The following CAMTA1 variants were observed in gnomAD, a reference collection of about 807,000 sequenced individuals.
CAMTA1 encodes calmodulin binding transcription activator 1.
A neutral mutation model predicts 170.9 loss-of-function variants in CAMTA1; 27 were observed. The observed-to-expected ratio is 0.16, with a 90% CI of 0.12 to 0.22. CAMTA1 has a LOEUF of 0.22. Among genes scored for constraint, CAMTA1 ranks in the 10% least tolerant of loss-of-function variants. CAMTA1 has a pLI of 1.00. For missense variants in CAMTA1, 1,619 were observed against 2,217.2 expected, an observed-to-expected ratio of 0.73 and a Z score of 5.42; for synonymous variants, 833 against 891.5, an observed-to-expected ratio of 0.93 and a Z score of 1.17.
intron 6 of CAMTA1, among the ~76,000 whole-genome samples, chr1:7,587,998 C>A (rs573479774): frequency 2.6e-5 from 4 of 152,172 alleles, no homozygotes; most frequent in African/African-American, 7.2e-5. Flanking sequence ...GATCCCCTAT[C>A]GGTGCCTGGC....
At chr1:7,368,270 C>G (rs2086166072) in intron 5 of CAMTA1, among the ~76,000 whole-genome samples, 1 of 149,898 alleles carries the variant, frequency 6.7e-6, no homozygotes, top group Non-Finnish European at 1.5e-5. Flanking sequence ...GCCCTGGGCA[C>G]TCATGGTTTC....
rs766554881 is a variant in CAMTA1, at chr1:7,752,450, C to T, written c.4884-9C>T. ...CCTTCTTGTGACAATAATATTCTGACTTTTTCAGGAGCAGTTTGCTAACCA... is the reference window on the plus strand; with the variant it reads ...CCTTCTTGTGACAATAATATTCTGATTTTTTCAGGAGCAGTTTGCTAACCA... On this transcript the variant is annotated splice_polypyrimidine_tract_variant and intron_variant, in intron 20 of 22. Transcript: ENST00000303635. 6.2e-7 allele frequency: 1 copy of T among 1,613,340 alleles called. No homozygotes were observed. Among genetic ancestry groups the T allele is most frequent in the South Asian group, 1.1e-5 (1 of 91,044 alleles).
chr1:7,350,739 ATGTGTG>A (rs1329371694), intron 5 of CAMTA1, among the ~76,000 whole-genome samples: 1 of 151,406 alleles, frequency 6.6e-6, no homozygotes, highest in African/African-American at 2.4e-5. Flanking sequence ...GTGTGTGTGT[ATGTGTG>A]TGTATGAGCA....
intron 4 of CAMTA1, among the ~76,000 whole-genome samples, chr1:7,180,641 G>A (rs1458989824): frequency 6.7e-5 from 10 of 148,802 alleles, no homozygotes; most frequent in African/African-American, 2.5e-4. Context: ...AGCCTCTCAA[G>A]TAGTTGGGAA....
rs114535294 is a variant in CAMTA1, at chr1:7,424,453, G to C, written c.439-43377G>C. On this transcript the variant is annotated intron_variant, in intron 5 of 22. Coordinates refer to ENST00000303635, the MANE Select transcript of CAMTA1 (RefSeq NM_015215.4). ...GTTTTGGCCACGCTGGGAGGATGAG[G>C]GGGGGTGGGGGTGGGGGACAGCTAG... Among the ~76,000 whole-genome samples the C allele has an allele frequency of 4.2e-4, 63 of 151,394 alleles. 1 individual carries two copies. Among genetic ancestry groups the C allele is most frequent in the East Asian group, 1.9e-4 (1 of 5,134 alleles).
At chr1:7,109,750 A>G (rs1419519512) in intron 4 of CAMTA1, among the ~76,000 whole-genome samples, 1 of 152,166 alleles carries the variant, frequency 6.6e-6, no homozygotes, top group Non-Finnish European at 1.5e-5. Context: ...CATTGGCCTG[A>G]GTGAGAAAGC....
chr1:7,135,249 G>A (rs1198333118), intron 4 of CAMTA1, among the ~76,000 whole-genome samples: 2 of 152,168 alleles, frequency 1.3e-5, no homozygotes, highest in Non-Finnish European at 2.9e-5. Context: ...TTAGCCAAGC[G>A]GGGTGGTGGG....
In CAMTA1 at chr1:6,958,931, C is replaced by T. The variant is rs190732696; in HGVS notation, c.235-132373C>T. The stretch of plus-strand genomic sequence containing the variant: ...AGGCTTCGCACACGTAATGAGAAGC[C>T]ACCTGCAGTTCAAAGCAGTACTTGA... On this transcript the variant is annotated intron_variant, in intron 3 of 22. Coordinates refer to ENST00000303635, the MANE Select transcript of CAMTA1 (RefSeq NM_015215.4). 3.3e-5 allele frequency among the ~76,000 whole-genome samples: 5 copies of T among 152,190 alleles called. 1 individual carries two copies. The highest frequency in any genetic ancestry group is 1.2e-4 in the African/African-American group (5 of 41,510).
In CAMTA1 at chr1:6,932,598, T is replaced by C. The variant is rs1684598354; in HGVS notation, c.234+107388T>C. 3.3e-5 allele frequency among the ~76,000 whole-genome samples: 5 copies of C among 152,240 alleles called. No homozygotes were observed. In the South Asian group the frequency reaches 1.0e-3, roughly 32 times the overall value. The stretch of plus-strand genomic sequence containing the variant: ...TGCTTTGCAAAGTGACCACGCTGTT[T>C]TCTATCCCCACTGCGGGGTATGAGA... On this transcript the variant is annotated intron_variant, in intron 3 of 22. Transcript: ENST00000303635.
In CAMTA1 at chr1:7,562,881, G is replaced by C. The variant is rs983900753; in HGVS notation, c.511-77519G>C. On this transcript the variant is annotated intron_variant, in intron 6 of 22. Transcript: ENST00000303635. This position sits in a 1 kb window ranked among gnomAD's most constrained non-coding sequence, Gnocchi z 4.8. ...CTGCAGCCTGTCAACAGCCAGCTCCGGGACTCTCCCAGGGCCCCATGGGCT... is the reference window on the plus strand; with the variant it reads ...CTGCAGCCTGTCAACAGCCAGCTCCCGGACTCTCCCAGGGCCCCATGGGCT... Among the ~76,000 whole-genome samples the C allele has an allele frequency of 6.6e-6, 1 of 152,118 alleles. No homozygotes were observed. The highest frequency in any genetic ancestry group is 1.5e-5 in the Non-Finnish European group (1 of 68,016).
At chr1:7,284,230 G>T (rs1672018978) in intron 5 of CAMTA1, among the ~76,000 whole-genome samples, 1 of 144,186 alleles carries the variant, frequency 6.9e-6, no homozygotes, top group Non-Finnish European at 1.5e-5. Context: ...CTGAGAAGGA[G>T]TCTTGCTCTG....
intron 11 of CAMTA1, among the ~76,000 whole-genome samples, chr1:7,720,828 G>C (rs1024749362): frequency 2.0e-5 from 3 of 152,190 alleles, no homozygotes; most frequent in African/African-American, 7.2e-5. Flanking sequence ...CCTTCCCTGA[G>C]CTTAAAGCAG....
intron 3 of CAMTA1, among the ~76,000 whole-genome samples, chr1:6,886,807 A>C (rs543136829): frequency 2.0e-5 from 3 of 152,288 alleles, no homozygotes; most frequent in Admixed American, 6.5e-5. Context: ...TGAGGGAGAG[A>C]AATGAAAGAA....
intron 6 of CAMTA1, among the ~76,000 whole-genome samples, chr1:7,597,253 CT>C (rs922091128): frequency 5.9e-5 from 9 of 152,308 alleles, no homozygotes; most frequent in African/African-American, 2.2e-4. Flanking sequence ...TTCATTTCCC[CT>C]GCTTCCAAAT....
chr1:7,520,182 G>T (rs995717665), intron 6 of CAMTA1, among the ~76,000 whole-genome samples: 2 of 92,298 alleles, frequency 2.2e-5, no homozygotes, highest in Admixed American at 2.3e-4. Flanking sequence ...GGCCTCAGCT[G>T]CCCTGGCTGG....
intron 16 of CAMTA1, among the ~76,000 whole-genome samples, chr1:7,740,042 C>A (rs995868779): frequency 2.0e-5 from 3 of 152,112 alleles, no homozygotes; most frequent in African/African-American, 7.2e-5. Flanking sequence ...ACCTACCGAC[C>A]ACTGCAGTTT....
At chr1:7,521,803 T>C (rs2094369093) in intron 6 of CAMTA1, among the ~76,000 whole-genome samples, 1 of 152,224 alleles carries the variant, frequency 6.6e-6, no homozygotes, top group African/African-American at 2.4e-5. Flanking sequence ...CACCTCTGCC[T>C]CCCAAAGTGC....
At chr1:7,263,375 G>C (rs1184349988) in intron 5 of CAMTA1, among the ~76,000 whole-genome samples, 1 of 152,240 alleles carries the variant, frequency 6.6e-6, no homozygotes, top group Non-Finnish European at 1.5e-5. Context: ...CTCGGGGGTA[G>C]GGAGAGCAAT....
chr1:7,229,091 CAGG>C (rs1256050395), intron 4 of CAMTA1, among the ~76,000 whole-genome samples: 1 of 151,662 alleles, frequency 6.6e-6, no homozygotes, highest in Non-Finnish European at 1.5e-5. Flanking sequence ...CCGCAGAGTC[CAGG>C]AGGAGATGAT....
Sources: allele counts gnomAD v4.1 joint callset (sites outside exome capture counted in the v4.1 genomes callset), GRCh38; gene constraint gnomAD v4.1.1; non-coding constraint Gnocchi (gnomAD v3.1); transcripts MANE v1.5; gene names NCBI Gene and HGNC (gene_info 2026-07-23, HGNC 2026-07-21).